SPATA9: variants seen among roughly 807,000 people sequenced by gnomAD.
The protein encoded by SPATA9 is spermatogenesis-associated protein 9.
Under a neutral mutation model 25.5 loss-of-function variants are expected in SPATA9, and 27 were observed. That is an observed-to-expected ratio of 1.06 (90% confidence interval 0.78 to 1.46). The LOEUF (loss-of-function observed/expected upper bound fraction) is 1.46. Among genes scored for constraint, SPATA9 ranks in the 40% most tolerant of loss-of-function variants. The pLI is 0.00. For missense variants in SPATA9, 282 were observed against 297.5 expected (o/e 0.95, Z 0.38); for synonymous variants, 102 against 105.7 (o/e 0.97, Z 0.21).
intron 2 of SPATA9, 71 bp from the exon 3 acceptor site, chr5:95,675,710 AGACT>A (rs1000879593): frequency 3.2e-6 from 4 of 1,261,700 alleles, no homozygotes; most frequent in African/African-American, 1.5e-5. Flanking sequence ...CTTCCGGCAG[AGACT>A]GACTACTATA....
At chr5:95,722,576 G>A in the SPATA9 span, among the ~76,000 whole-genome samples, 4 of 152,078 alleles carry the variant, frequency 2.6e-5, no homozygotes, top group Admixed American at 2.0e-4. Context: ...CGCAACCTCC[G>A]CCTCCTGGGT....
chr5:95,690,582 G>A (rs1053601975), intron 1 of SPATA9, among the ~76,000 whole-genome samples: 3 of 152,146 alleles, frequency 2.0e-5, no homozygotes, highest in Admixed American at 2.0e-4. Flanking sequence ...GGAAGAATCA[G>A]GCCATCACCA....
downstream of SPATA9, chr5:95,657,332 A>T (rs1247571693): frequency 6.6e-6 from 1 of 151,868 alleles, no homozygotes; most frequent in East Asian, 1.9e-4. Flanking sequence ...ACCAGTTGTA[A>T]TGTATTTAAA....
chr5:95,683,199 A>G (rs1753602065), upstream of SPATA9, among the ~76,000 whole-genome samples: 1 of 152,242 alleles, frequency 6.6e-6, no homozygotes, highest in African/African-American at 2.4e-5. Flanking sequence ...ATAATGGATC[A>G]TCTGAGAACA....
chr5:95,656,059 G>A (rs760650451), downstream of SPATA9: 7 of 1,612,424 alleles, frequency 4.3e-6, no homozygotes, highest in South Asian at 1.1e-5. Context: ...TTTGATGGAC[G>A]ACCGTGTATA....
At chr5:95,684,936 A>T (rs1264967570), upstream of SPATA9, among the ~76,000 whole-genome samples, 1 of 152,248 alleles carries the variant, frequency 6.6e-6, no homozygotes, top group East Asian at 1.9e-4. Context: ...AAAAGGCTTT[A>T]ATACAGAAGA....
At chr5:95,682,731 T>TTTACTTTACAA in intron 1 of SPATA9, 63 bp downstream of exon 1, 1 of 1,508,498 alleles carries the variant, frequency 6.6e-7, no homozygotes. Flanking sequence ...AAAGGAACTC[T>TTTACTTTACAA]AGGGGATCTT....
At chr5:95,731,683 A>G in the SPATA9 span, 1 of 1,613,456 alleles carries the variant, frequency 6.2e-7, no homozygotes, top group Non-Finnish European at 8.5e-7. Flanking sequence ...ATTTGAGATC[A>G]TGTACGTACG....
At chr5:95,673,762 T>A (rs2112631923) in intron 3 of SPATA9, among the ~76,000 whole-genome samples, 1 of 152,068 alleles carries the variant, frequency 6.6e-6, no homozygotes, top group East Asian at 1.9e-4. Context: ...CTTTTTTTTT[T>A]TAGACAGAGT....
rs183113699 is a variant in SPATA9 at position 95,676,546 on chromosome 5, T to C, written c.151-907A>G. On this transcript the variant is annotated intron_variant, in intron 2 of 4. Transcript: ENST00000274432. ...TCATAGGCAATTATAATGCTGAACT[T>C]TACTCTTCTATATCTGTCAAACTAG... Among the ~76,000 whole-genome samples, 17 of 152,338 alleles carry C rather than the reference T, an allele frequency of 1.1e-4. No individual in the cohort carries two copies. The East Asian group carries it at 2.5e-3, about 22-fold the overall frequency.
chr5:95,686,069 C>T (rs1211151616), upstream of SPATA9, among the ~76,000 whole-genome samples: 1 of 152,158 alleles, frequency 6.6e-6, no homozygotes, highest in Non-Finnish European at 1.5e-5. Flanking sequence ...CCTGATCTCT[C>T]TCAGGTGATC....
intron 3 of SPATA9, among the ~76,000 whole-genome samples, chr5:95,673,729 CT>C (rs915896598): frequency 1.3e-5 from 2 of 150,908 alleles, no homozygotes; most frequent in African/African-American, 2.4e-5. Context: ...TTTTATTTTC[CT>C]TTTTTTTCTT....
At chr5:95,709,874 G>A in the SPATA9 span, among the ~76,000 whole-genome samples, 1 of 152,170 alleles carries the variant, frequency 6.6e-6, no homozygotes, top group Non-Finnish European at 1.5e-5. Context: ...GTGCACTGGA[G>A]AGCTGCTTGA....
At chr5:95,678,374 C>T (rs1471179124) in intron 2 of SPATA9, among the ~76,000 whole-genome samples, 1 of 152,042 alleles carries the variant, frequency 6.6e-6, no homozygotes, top group East Asian at 1.9e-4. Context: ...GAGACTCCAT[C>T]TCAAAAAAAT....
chr5:95,700,807 G>A (rs932511552), upstream of SPATA9, among the ~76,000 whole-genome samples: 34 of 152,152 alleles, frequency 2.2e-4, no homozygotes, highest in Middle Eastern at 3.4e-3. Flanking sequence ...GACTTGATTC[G>A]GATTTCACCA....
At chr5:95,678,807 C>G (rs914463071) in intron 2 of SPATA9, among the ~76,000 whole-genome samples, 2 of 152,176 alleles carry the variant, frequency 1.3e-5, no homozygotes, top group Non-Finnish European at 2.9e-5. Context: ...ATGTTTTCCA[C>G]ATAATTTATA....
intron 4 of SPATA9, among the ~76,000 whole-genome samples, chr5:95,662,692 C>A (rs1441656081): frequency 6.6e-6 from 1 of 152,030 alleles, no homozygotes; most frequent in Non-Finnish European, 1.5e-5. Flanking sequence ...AAGTAAAAAT[C>A]AAAAATTGTT....
chr5:95,687,296 A>T (rs1753773382), upstream of SPATA9, among the ~76,000 whole-genome samples: 1 of 152,170 alleles, frequency 6.6e-6, no homozygotes, highest in African/African-American at 2.4e-5. Context: ...TATTCTTGTG[A>T]TCCCACTTTC....
At chr5:95,685,400 C>T (rs1409044219), upstream of SPATA9, among the ~76,000 whole-genome samples, 3 of 152,182 alleles carry the variant, frequency 2.0e-5, no homozygotes, top group African/African-American at 7.2e-5. Context: ...TCATGTATTA[C>T]CTACCAATCC....
Sources: gnomAD v4.1 joint callset for allele counts (sites outside exome capture counted in the v4.1 genomes callset) on GRCh38, gnomAD v4.1.1 for gene constraint, MANE v1.5 for transcripts, NCBI Gene and HGNC (gene_info 2026-07-23, HGNC 2026-07-21) for gene names.